The following KCNH7 variants were observed in gnomAD, a reference collection of about 807,000 sequenced individuals.
The protein encoded by KCNH7 is potassium voltage-gated channel subfamily H member 7.
In KCNH7, 49 loss-of-function variants were observed where a neutral mutation model predicts 120.8. That is an observed-to-expected ratio of 0.41 (90% CI 0.32 to 0.51). KCNH7 has a LOEUF of 0.51. KCNH7 is among the 20% of genes least tolerant of loss of function. KCNH7 has a pLI of 0.38. For missense variants in KCNH7, 1,097 were observed against 1,446.6 expected, an observed-to-expected ratio of 0.76 and a Z score of 3.92; for synonymous variants, 547 against 516.1, an observed-to-expected ratio of 1.06 and a Z score of -0.81.
intron 2 of KCNH7, among the ~76,000 whole-genome samples, chr2:162,623,028 T>C (rs1365364804): frequency 6.6e-6 from 1 of 152,186 alleles, no homozygotes; most frequent in Non-Finnish European, 1.5e-5. Context: ...GAAACATTCC[T>C]ACATTATTCA....
chr2:162,808,606 A>C (rs1417815737), intron 2 of KCNH7, among the ~76,000 whole-genome samples: 1 of 152,184 alleles, frequency 6.6e-6, no homozygotes, highest in African/African-American at 2.4e-5. Context: ...TCAACAATGG[A>C]GTACAAACTT....
intron 3 of KCNH7, among the ~76,000 whole-genome samples, chr2:162,529,043 G>A (rs1322928456): frequency 6.6e-6 from 1 of 151,874 alleles, no homozygotes; most frequent in Non-Finnish European, 1.5e-5. Context: ...AGCTGAAGAT[G>A]GAAAGGCAGT....
At chr2:162,509,666 T>C (rs563881037) in intron 5 of KCNH7, among the ~76,000 whole-genome samples, 45 of 151,744 alleles carry the variant, frequency 3.0e-4, no homozygotes, top group African/African-American at 1.0e-3. Flanking sequence ...ACTGTTATCA[T>C]TGAAAATCAA....
intron 5 of KCNH7, among the ~76,000 whole-genome samples, chr2:162,509,947 T>C (rs1257135848): frequency 1.3e-5 from 2 of 151,572 alleles, no homozygotes; most frequent in African/African-American, 2.4e-5. Flanking sequence ...AATTGTATTA[T>C]GACTTATTTA....
intron 6 of KCNH7, among the ~76,000 whole-genome samples, chr2:162,467,930 AT>A (rs2105627914): frequency 6.6e-6 from 1 of 152,306 alleles, no homozygotes; most frequent in African/African-American, 2.4e-5. Context: ...GGGGCAAGGC[AT>A]TAATCTTGTT....
At chr2:162,671,821 A>G (rs1685371150) in intron 2 of KCNH7, among the ~76,000 whole-genome samples, 1 of 152,170 alleles carries the variant, frequency 6.6e-6, no homozygotes, top group Admixed American at 6.6e-5. Context: ...TAGCTGTATT[A>G]TTACAAATAA....
At chr2:162,473,778 T>C (rs1181837351) in intron 6 of KCNH7, among the ~76,000 whole-genome samples, 1 of 152,198 alleles carries the variant, frequency 6.6e-6, no homozygotes, top group Non-Finnish European at 1.5e-5. Context: ...GAGTTATACA[T>C]AGGAGCTGAG....
intron 2 of KCNH7, among the ~76,000 whole-genome samples, chr2:162,607,029 T>C (rs1308485694): frequency 1.3e-5 from 2 of 152,026 alleles, no homozygotes; most frequent in African/African-American, 4.8e-5. Flanking sequence ...ATAATGTCCA[T>C]ATAAAAACAT....
At chr2:162,592,156 C>G (rs78538625) in intron 2 of KCNH7, among the ~76,000 whole-genome samples, 4,255 of 152,086 alleles carry the variant, frequency 0.028, 220 homozygotes, top group African/African-American at 0.098. Flanking sequence ...ATTCAAGTCT[C>G]CCACAGCTTA....
intron 2 of KCNH7, among the ~76,000 whole-genome samples, chr2:162,628,445 T>C (rs1248541577): frequency 1.3e-5 from 2 of 152,144 alleles, no homozygotes; most frequent in African/African-American, 2.4e-5. Flanking sequence ...AGAAATCTTT[T>C]CTTTTTTAAC....
chr2:162,465,829 T>C (rs1233501282), intron 6 of KCNH7, among the ~76,000 whole-genome samples: 1 of 152,180 alleles, frequency 6.6e-6, no homozygotes, highest in Non-Finnish European at 1.5e-5. Context: ...TTTAAGCAGC[T>C]ATGGATCCAA....
intron 2 of KCNH7, among the ~76,000 whole-genome samples, chr2:162,649,562 G>A (rs1684494781): frequency 6.6e-6 from 1 of 152,058 alleles, no homozygotes; most frequent in East Asian, 1.9e-4. Context: ...CTGACTCTTA[G>A]AGATTTCTCA....
At chr2:162,513,467 CTCCTTCCTTCCTTCCTTCCT>C (rs66776235) in intron 4 of KCNH7, among the ~76,000 whole-genome samples, 7 of 104,640 alleles carry the variant, frequency 6.7e-5, no homozygotes, top group Non-Finnish European at 7.2e-5. Flanking sequence ...CCTTCCCTCC[CTCCTTCCTTCCTTCCTTCCT>C]TCCTTCCTTC....
intron 2 of KCNH7, among the ~76,000 whole-genome samples, chr2:162,665,775 C>T (rs1449505515): frequency 6.6e-6 from 1 of 152,084 alleles, no homozygotes; most frequent in Non-Finnish European, 1.5e-5. Flanking sequence ...GATTAATTTT[C>T]TTTAGTCTAA....
At chr2:162,373,356 CAG>C (rs1686035611) in intron 15 of KCNH7, 112 bp downstream of exon 15, 1 of 643,636 alleles carries the variant, frequency 1.6e-6, no homozygotes, top group Admixed American at 3.5e-5. Flanking sequence ...TGAGTAGAAA[CAG>C]AGATAGGGAC....
At chr2:162,456,316 C>T (rs1474816717) in intron 6 of KCNH7, among the ~76,000 whole-genome samples, 1 of 151,780 alleles carries the variant, frequency 6.6e-6, no homozygotes, top group African/African-American at 2.4e-5. Context: ...GTTATAATTT[C>T]CATAATACAT....
chr2:162,810,417 C>T (rs1684698125), intron 2 of KCNH7, among the ~76,000 whole-genome samples: 1 of 152,082 alleles, frequency 6.6e-6, no homozygotes, highest in African/African-American at 2.4e-5. Flanking sequence ...AGCAGAAATT[C>T]CGTCAGGAAT....
chr2:162,621,549 G>C (rs1044810988), intron 2 of KCNH7, among the ~76,000 whole-genome samples: 2 of 151,992 alleles, frequency 1.3e-5, no homozygotes, highest in Non-Finnish European at 2.9e-5. Context: ...AATTGATTAT[G>C]TACCACTTGC....
In KCNH7 at chr2:162,754,340, G is replaced by A. The variant is rs192232691; in HGVS notation, c.307+82197C>T. ...AGAAAGACATCACAGAGAGTGAATC[G>A]ACAACTTTGGCAATTACTTTTATAA... On this transcript the variant is annotated intron_variant, in intron 2 of 15. Transcript: ENST00000332142. Among the ~76,000 whole-genome samples the A allele has an allele frequency of 2.0e-4, 31 of 152,148 alleles. 1 individual carries two copies. The highest frequency in any genetic ancestry group is 3.3e-4 in the Admixed American group (5 of 15,270).
Sources: allele counts gnomAD v4.1 joint callset (sites outside exome capture counted in the v4.1 genomes callset), GRCh38; gene constraint gnomAD v4.1.1; transcripts MANE v1.5; gene names NCBI Gene and HGNC (gene_info 2026-07-23, HGNC 2026-07-21).